The following SLC33A1 variants were observed in gnomAD, a reference collection of about 807,000 sequenced individuals.
SLC33A1 encodes acetyl-coenzyme A transporter 1.
Under a neutral mutation model 50.0 loss-of-function variants are expected in SLC33A1, and 20 were observed. The ratio of observed to expected loss-of-function variants is 0.40; its 90% CI spans 0.28 to 0.58. SLC33A1 has a LOEUF of 0.58. Ranked by LOEUF, SLC33A1 falls within the 20% of genes least tolerant of loss-of-function variation. The pLI is 0.44. For missense variants in SLC33A1, 476 were observed against 657.0 expected, an observed-to-expected ratio of 0.72 and a Z score of 3.01; for synonymous variants, 265 against 251.8, an observed-to-expected ratio of 1.05 and a Z score of -0.50.
chr3:155,831,457 CAAAAAAAAAAAAAAAAAAAAA>C (rs397991448), intron 4 of SLC33A1, among the ~76,000 whole-genome samples: 1 of 46,682 alleles, frequency 2.1e-5, no homozygotes, highest in African/African-American at 5.8e-5. Context: ...GACTCTGTCT[CAAAAAAAAAAAAAAAAAAAAA>C]AAAAAAAAAA....
intron 5 of SLC33A1, among the ~76,000 whole-genome samples, 184 bp from the exon 6 acceptor site, chr3:155,828,561 A>G (rs1752280893): frequency 6.6e-6 from 1 of 152,210 alleles, no homozygotes; most frequent in African/African-American, 2.4e-5. Flanking sequence ...TAACAGGATT[A>G]AAAACAATTT....
chr3:155,837,887 T>C (rs186698560), intron 2 of SLC33A1, among the ~76,000 whole-genome samples: 104 of 152,290 alleles, frequency 6.8e-4, no homozygotes, highest in Non-Finnish European at 1.1e-3. Flanking sequence ...AACAGTATTA[T>C]AGACTTTGTA....
chr3:155,831,853 T>C (rs1199926002), intron 4 of SLC33A1, among the ~76,000 whole-genome samples: 1 of 152,224 alleles, frequency 6.6e-6, no homozygotes, highest in African/African-American at 2.4e-5. Context: ...TACAGATTTC[T>C]CCTAAATGAT....
rs535557793 is a variant in SLC33A1, at chr3:155,852,237, C to G, written c.775+986G>C. On this transcript the variant is annotated intron_variant, in intron 1 of 5. Transcript: ENST00000643144. ...TTGGGAGGCCAAGGAGGGGGAGAAT[C>G]ACCTGAGGCCAGGAGTTCAAGACCA... Among the ~76,000 whole-genome samples, 33 of 152,192 alleles carry G rather than the reference C, an allele frequency of 2.2e-4. No homozygotes were observed. In the South Asian group the frequency reaches 6.8e-3, roughly 32 times the overall value.
rs777143987 is a variant in SLC33A1 at position 155,828,301 on chromosome 3, A to G, written c.1559T>C (p.Ile520Thr). Residue 520 changes from isoleucine to threonine, a missense_variant, in exon 6 of 6, where the codon ATT (isoleucine) becomes ACT (threonine). Ile to Thr is a moderately conservative substitution (Grantham distance 89, BLOSUM62 -1). Coordinates refer to ENST00000643144, the MANE Select transcript of SLC33A1 (RefSeq NM_004733.4). Reference sequence around the variant, plus strand: ...AAGAAAGAACCACCAACCAAATCCAATGAAAACACAAATAATGGACTCCAC... The same window carrying G: ...AAGAAAGAACCACCAACCAAATCCAGTGAAAACACAAATAATGGACTCCAC... ...YYVESIICVFIGFGWWFFLGP... is the reference protein window; with the variant it reads ...YYVESIICVFTGFGWWFFLGP... 1.6e-4 allele frequency: 249 copies of G among 1,606,000 alleles called. 2 individuals carry two copies. The South Asian group carries it at 1.6e-3, about 10-fold the overall frequency.
At chr3:155,831,668 T>G (rs912477731) in intron 4 of SLC33A1, among the ~76,000 whole-genome samples, 8 of 152,230 alleles carry the variant, frequency 5.3e-5, no homozygotes, top group Middle Eastern at 3.4e-3. Context: ...ATACTTTTTT[T>G]GGGCTATAAC....
intron 1 of SLC33A1, among the ~76,000 whole-genome samples, chr3:155,847,138 G>A (rs1158790839): frequency 1.3e-5 from 2 of 152,074 alleles, no homozygotes; most frequent in Non-Finnish European, 2.9e-5. Context: ...AATCCAGGAG[G>A]CAGAGGTTGC....
chr3:155,842,298 C>A, intron 2 of SLC33A1, 134 bp downstream of exon 2: 2 of 608,996 alleles, frequency 3.3e-6, no homozygotes, highest in South Asian at 2.1e-5. Context: ...ATTTAATAAA[C>A]AGAAAATATT....
intron 1 of SLC33A1, among the ~76,000 whole-genome samples, chr3:155,850,845 G>A (rs1427713529): frequency 1.3e-5 from 2 of 151,586 alleles, no homozygotes; most frequent in Non-Finnish European, 2.9e-5. Context: ...TCAAACTCCT[G>A]ATCTCAGGTG....
chr3:155,843,183 G>A (rs1752998267), intron 1 of SLC33A1, among the ~76,000 whole-genome samples: 1 of 152,054 alleles, frequency 6.6e-6, no homozygotes, highest in African/African-American at 2.4e-5. Context: ...GTACAACTGA[G>A]TTGAATGAAC....
intron 1 of SLC33A1, among the ~76,000 whole-genome samples, chr3:155,850,038 T>C (rs1369747250): frequency 1.3e-5 from 2 of 151,726 alleles, no homozygotes; most frequent in Non-Finnish European, 2.9e-5. Context: ...AGATGGAGTC[T>C]TTCTCTGTCG....
chr3:155,853,165 C>A, intron 1 of SLC33A1, 58 bp downstream of exon 1: 3 of 1,459,856 alleles, frequency 2.1e-6, no homozygotes, highest in Non-Finnish European at 2.9e-6. Flanking sequence ...CCTCCAACGT[C>A]ACACACTCTT....
At chr3:155,830,669 A>G (rs1752391134) in intron 4 of SLC33A1, among the ~76,000 whole-genome samples, 1 of 152,102 alleles carries the variant, frequency 6.6e-6, no homozygotes, top group Non-Finnish European at 1.5e-5. Context: ...GCAAAACCTC[A>G]TATTTGTACT....
Position 155,822,336 on chromosome 3 carries a change from C to T in SLC33A1, c.*5874G>A, listed in dbSNP as rs1191956995. 1.3e-5 allele frequency: 2 copies of T among 151,804 alleles called. No homozygotes were observed. The highest frequency in any genetic ancestry group is 6.6e-5 in the Admixed American group (1 of 15,232). 9.4% of individuals were successfully genotyped at this position (151,804 alleles called of 1,614,324 possible). On this transcript the variant is annotated 3_prime_UTR_variant, in exon 6 of 6. Coordinates refer to ENST00000643144, the MANE Select transcript of SLC33A1 (RefSeq NM_004733.4). ...GGTGCAGTGGCTCACACCTGCAATC[C>T]CAGCACTTTGGGAGGCCGAGGCAGG...
rs764070834 is a variant in SLC33A1, at chr3:155,828,254, G to A, written c.1606C>T (p.Gln536Ter). 3.1e-6 allele frequency: 5 copies of A among 1,612,840 alleles called. No individual in the cohort carries two copies. The highest frequency in any genetic ancestry group is 1.1e-5 in the South Asian group (1 of 91,060). ...FFLGPKFKKL[Q>*]DEGSSSWKCK... Reference sequence around the variant, plus strand: ...TTCCACGAAGATGATCCTTCATCCTGTAACTTTTTAAATTTTGGACCAAGA... The same window carrying A: ...TTCCACGAAGATGATCCTTCATCCTATAACTTTTTAAATTTTGGACCAAGA... Residue 536 changes from glutamine to a stop codon, truncating the protein, a stop_gained, in exon 6 of 6, where the codon CAG (glutamine) becomes TAG (stop). Transcript: ENST00000643144. LOFTEE classifies it high-confidence loss of function.
chr3:155,848,571 A>G (rs992390798), intron 1 of SLC33A1, among the ~76,000 whole-genome samples: 5 of 152,014 alleles, frequency 3.3e-5, no homozygotes, highest in African/African-American at 9.7e-5. Flanking sequence ...AGTCCCAGCT[A>G]CTCGGGAGGC....
At chr3:155,839,366 T>A (rs1242582287) in intron 2 of SLC33A1, among the ~76,000 whole-genome samples, 1 of 59,236 alleles carries the variant, frequency 1.7e-5, no homozygotes, top group Non-Finnish European at 3.1e-5. Flanking sequence ...AAAGCGAGAC[T>A]CTGTCTCAAA....
In SLC33A1 at chr3:155,824,069, C is replaced by G. The variant is rs956510329; in HGVS notation, c.*4141G>C. 2.0e-5 allele frequency: 3 copies of G among 152,096 alleles called. No individual in the cohort carries two copies. Among genetic ancestry groups the G allele is most frequent in the African/African-American group, 7.2e-5 (3 of 41,394 alleles). The allele number at this position is 152,096 out of a possible 1,614,324, so 9.4% of individuals were successfully genotyped here. On this transcript the variant is annotated 3_prime_UTR_variant, in exon 6 of 6. Coordinates refer to ENST00000643144, the MANE Select transcript of SLC33A1 (RefSeq NM_004733.4). ...GAAAATAATTGTGCCTCGCTATCTA[C>G]CAAAGACATTGGTTAAAAAAAAGTC...
chr3:155,838,780 T>G (rs943898019), intron 2 of SLC33A1, among the ~76,000 whole-genome samples: 11 of 151,208 alleles, frequency 7.3e-5, no homozygotes, highest in Non-Finnish European at 1.5e-5. Flanking sequence ...AGCACAGGAG[T>G]TTGAGATTAC....
Sources: allele counts gnomAD v4.1 joint callset (sites outside exome capture counted in the v4.1 genomes callset), GRCh38; gene constraint gnomAD v4.1.1; transcripts MANE v1.5; gene names NCBI Gene and HGNC (gene_info 2026-07-23, HGNC 2026-07-21).